The following GATA4 variants were observed in gnomAD, a reference collection of about 807,000 sequenced individuals.
The protein encoded by GATA4 is GATA binding protein 4.
A neutral mutation model predicts 37.9 loss-of-function variants in GATA4; 7 were observed. The ratio of observed to expected loss-of-function variants is 0.18; its 90% CI spans 0.11 to 0.35. GATA4 has a LOEUF of 0.35. Ranked by LOEUF, GATA4 falls within the 10% of genes least tolerant of loss-of-function variation. GATA4 has a pLI of 1.00. For missense variants in GATA4, 647 were observed against 653.0 expected, an observed-to-expected ratio of 0.99 and a Z score of 0.10; for synonymous variants, 372 against 292.6, an observed-to-expected ratio of 1.27 and a Z score of -2.77.
rs1802724854 is a variant in GATA4, at chr8:11,758,536, G to T, written c.*61G>T. 17 of 1,563,456 alleles carry T rather than the reference G, an allele frequency of 1.1e-5. No homozygotes were observed. The South Asian group carries it at 1.8e-4, about 16-fold the overall frequency. On this transcript the variant is annotated 3_prime_UTR_variant, in exon 7 of 7. Coordinates refer to ENST00000532059, the MANE Select transcript of GATA4 (RefSeq NM_001308093.3). The stretch of plus-strand genomic sequence containing the variant: ...CTGGGACTTGGAGGATAGCAAAGAA[G>T]GAGGCCCTGGGCTCCCAGGGGCCGG...
At chr8:11,681,359 C>A (rs1156955859) in intron 1 of GATA4, 6 of 985,384 alleles carry the variant, frequency 6.1e-6, no homozygotes, top group Admixed American at 1.2e-4. Flanking sequence ...CAGCACTCGT[C>A]CCCCTAGGTC....
At chr8:11,758,206 G>A (rs1190967040) in intron 6 of GATA4, 87 bp from the exon 7 acceptor site, 18 of 1,349,358 alleles carry the variant, frequency 1.3e-5, no homozygotes, top group Non-Finnish European at 1.8e-5. Context: ...GGGGACATCT[G>A]CATAGCAGGG....
chr8:11,692,897 C>G (rs1431345864), intron 1 of GATA4: 1 of 983,194 alleles, frequency 1.0e-6, no homozygotes, highest in South Asian at 4.7e-5. Context: ...GCCCCGCGCT[C>G]GCCTCCAGCC....
Position 11,725,490 on chromosome 8 carries a change from A to G in GATA4, c.616+16562A>G, listed in dbSNP as rs140498875. On this transcript the variant is annotated intron_variant, in intron 2 of 6. Transcript: ENST00000532059. ...AGTGGATGCCACTGCCAGGGAGGGA[A>G]CTTGCAGAACCGAAGGCCTCTTTTT... Among the ~76,000 whole-genome samples the G allele has an allele frequency of 6.3e-3, 963 of 152,316 alleles. 15 individuals carry two copies. The highest frequency in any genetic ancestry group is 0.022 in the African/African-American group (929 of 41,570).
At chr8:11,733,998 C>G (rs559179710) in intron 2 of GATA4, among the ~76,000 whole-genome samples, 2 of 152,302 alleles carry the variant, frequency 1.3e-5, no homozygotes, top group South Asian at 4.1e-4. Flanking sequence ...CCTGCATGTC[C>G]AATTGAAGCA....
intron 2 of GATA4, among the ~76,000 whole-genome samples, chr8:11,714,318 C>T (rs188014458): frequency 2.0e-4 from 30 of 152,246 alleles, no homozygotes; most frequent in African/African-American, 7.0e-4. Context: ...AGAAGTTTTG[C>T]CCCATTAGGG....
intron 5 of GATA4, 175 bp from the exon 6 acceptor site, chr8:11,756,760 G>A: frequency 2.4e-6 from 2 of 820,602 alleles, no homozygotes; most frequent in Non-Finnish European, 4.1e-6. Context: ...GAGATAGGGG[G>A]AAGAAGCCAT....
chr8:11,697,584 G>C, intron 1 of GATA4: 8 of 985,436 alleles, frequency 8.1e-6, no homozygotes, highest in Non-Finnish European at 8.4e-6. Context: ...CTGTCTGAAG[G>C]GGTCCTCGCC....
Position 11,750,223 on chromosome 8 carries a change from T to G in GATA4, c.899T>G (p.Met300Arg). Reference sequence around the variant, plus strand: ...GTGTGCAATGCCTGCGGCCTCTACATGAAGCTCCACGGGGTACGTGGGTCC... The same window carrying G: ...GTGTGCAATGCCTGCGGCCTCTACAGGAAGCTCCACGGGGTACGTGGGTCC... ...EPVCNACGLY[M>R]KLHGVPRPLA... Residue 300 changes from methionine to arginine, a missense_variant, in exon 4 of 7, where the codon ATG becomes AGG. Physicochemically the swap from Met to Arg is moderately conservative, Grantham distance 91. Coordinates refer to ENST00000532059, the MANE Select transcript of GATA4 (RefSeq NM_001308093.3). 6.2e-7 allele frequency: 1 copy of G among 1,613,228 alleles called. No individual in the cohort carries two copies. The highest frequency in any genetic ancestry group is 8.5e-7 in the Non-Finnish European group (1 of 1,180,042).
At chr8:11,723,695 C>T (rs1800780239) in intron 2 of GATA4, among the ~76,000 whole-genome samples, 1 of 152,198 alleles carries the variant, frequency 6.6e-6, no homozygotes, top group Non-Finnish European at 1.5e-5. Context: ...ATACGTACCC[C>T]TCCTACCCCA....
At chr8:11,697,105 C>G (rs1799530527) in intron 1 of GATA4, among the ~76,000 whole-genome samples, 1 of 152,246 alleles carries the variant, frequency 6.6e-6, no homozygotes, top group Admixed American at 6.5e-5. Flanking sequence ...GGCTCCATTT[C>G]ACTGCGCCCC....
At chr8:11,711,965 G>C (rs957098389) in intron 2 of GATA4, among the ~76,000 whole-genome samples, 7 of 152,070 alleles carry the variant, frequency 4.6e-5, no homozygotes, top group Admixed American at 3.3e-4. Context: ...GGTGGGAGGA[G>C]CACAGGGTTT....
At chr8:11,713,859 G>T (rs1290090400) in intron 2 of GATA4, among the ~76,000 whole-genome samples, 1 of 152,218 alleles carries the variant, frequency 6.6e-6, no homozygotes. Flanking sequence ...GGATCTGCAT[G>T]TGCCTGTGAA....
At chr8:11,718,719 A>T (rs1800538089) in intron 2 of GATA4, among the ~76,000 whole-genome samples, 1 of 152,216 alleles carries the variant, frequency 6.6e-6, no homozygotes, top group Admixed American at 6.5e-5. Context: ...TTATTTTTTA[A>T]ATCTTCCTTT....
intron 2 of GATA4, among the ~76,000 whole-genome samples, chr8:11,722,889 C>G (rs896627683): frequency 6.6e-6 from 1 of 152,150 alleles, no homozygotes; most frequent in Non-Finnish European, 1.5e-5. Flanking sequence ...ACATTTTTAG[C>G]TTATTGAATA....
chr8:11,716,443 G>T (rs1188847634), intron 2 of GATA4, among the ~76,000 whole-genome samples: 2 of 152,002 alleles, frequency 1.3e-5, no homozygotes, highest in Non-Finnish European at 2.9e-5. Context: ...TTTCCTTTAT[G>T]CTCAAGCTTC....
upstream of GATA4, chr8:11,692,213 A>C (rs1180542005): frequency 4.1e-6 from 1 of 242,624 alleles, no homozygotes. Context: ...GGCAACAACC[A>C]GAGGGAGGAA....
chr8:11,694,487 A>G lies in GATA4; in HGVS notation c.-729+1827A>G, dbSNP rs1326546290. 3 of 985,270 alleles carry G rather than the reference A, an allele frequency of 3.0e-6. No individual in the cohort carries two copies. The African/African-American group carries it at 5.2e-5, about 17-fold the overall frequency. The allele number at this position is 985,270 out of a possible 1,614,324, so 61.0% of individuals were successfully genotyped here. ...ACCAGCTCTCCGAGCCGTGGACTGCATCCTCATCACTTCTTTCCCTTGCCA... is the reference window on the plus strand; with the variant it reads ...ACCAGCTCTCCGAGCCGTGGACTGCGTCCTCATCACTTCTTTCCCTTGCCA... On this transcript the variant is annotated intron_variant, in intron 1 of 2. Coordinates refer to the GATA4 transcript ENST00000526974.
At chr8:11,716,245 A>G (rs1800428085) in intron 2 of GATA4, among the ~76,000 whole-genome samples, 1 of 152,192 alleles carries the variant, frequency 6.6e-6, no homozygotes, top group Non-Finnish European at 1.5e-5. Flanking sequence ...AAAACATATT[A>G]AACTAATTAA....
Sources: allele counts gnomAD v4.1 joint callset (sites outside exome capture counted in the v4.1 genomes callset), GRCh38; gene constraint gnomAD v4.1.1; transcripts MANE v1.5; gene names NCBI Gene and HGNC (gene_info 2026-07-23, HGNC 2026-07-21).